The following JAZF1 variants were observed in gnomAD, a reference collection of about 807,000 sequenced individuals.
The protein encoded by JAZF1 is juxtaposed with another zinc finger protein 1.
Under a neutral mutation model 26.4 loss-of-function variants are expected in JAZF1, and 8 were observed. The observed-to-expected ratio is 0.30, with a 90% CI of 0.18 to 0.55. The LOEUF is 0.55. Ranked by LOEUF, JAZF1 falls within the 20% of genes least tolerant of loss-of-function variation. JAZF1 has a pLI of 0.94. For synonymous variants in JAZF1, 126 were observed against 122.3 expected (o/e 1.03, Z -0.20); for missense variants, 199 against 322.0 (o/e 0.62, Z 2.92).
intron 3 of JAZF1, among the ~76,000 whole-genome samples, chr7:27,889,688 T>A (rs1411971514): frequency 1.3e-5 from 2 of 152,152 alleles, no homozygotes; most frequent in Non-Finnish European, 2.9e-5. Flanking sequence ...TCCCAGCACC[T>A]TGGGAGGCTG....
chr7:28,019,499 G>A (rs1347057214), intron 1 of JAZF1, among the ~76,000 whole-genome samples: 3 of 151,998 alleles, frequency 2.0e-5, no homozygotes, highest in Non-Finnish European at 4.4e-5. Context: ...GCTCATAGAT[G>A]GGACAGAACT....
chr7:27,925,333 A>G (rs775984985), intron 2 of JAZF1, among the ~76,000 whole-genome samples: 1 of 152,254 alleles, frequency 6.6e-6, no homozygotes, highest in African/African-American at 2.4e-5. Flanking sequence ...CCAAAAAAGC[A>G]GCTGAAAACA....
At chr7:27,992,417 G>A (rs569983035) in intron 1 of JAZF1, among the ~76,000 whole-genome samples, 4 of 152,088 alleles carry the variant, frequency 2.6e-5, no homozygotes, top group African/African-American at 9.7e-5. Flanking sequence ...TCTTGTTCAC[G>A]GAACACTTTT....
intron 3 of JAZF1, among the ~76,000 whole-genome samples, chr7:27,870,075 A>ATTTTTTTTTTTTTTTTT (rs371770357): frequency 5.0e-5 from 6 of 120,664 alleles, no homozygotes; most frequent in Non-Finnish European, 5.0e-5. Flanking sequence ...CACCCGGTTA[A>ATTTTTTTTTTTTTTTTT]TTTTTTTTTT....
intron 3 of JAZF1, among the ~76,000 whole-genome samples, chr7:27,873,232 G>C (rs1444898818): frequency 6.6e-6 from 1 of 152,140 alleles, no homozygotes; most frequent in Non-Finnish European, 1.5e-5. Context: ...CCTCCTAACT[G>C]ATATGCCAGG....
At chr7:27,926,794 C>T (rs1304291904) in intron 2 of JAZF1, among the ~76,000 whole-genome samples, 1 of 152,198 alleles carries the variant, frequency 6.6e-6, no homozygotes, top group Admixed American at 6.5e-5. Flanking sequence ...TGGGGCTCTT[C>T]CCAGTTCCTT....
intron 1 of JAZF1, among the ~76,000 whole-genome samples, chr7:28,018,372 A>G (rs1782937885): frequency 6.6e-6 from 1 of 152,174 alleles, no homozygotes; most frequent in African/African-American, 2.4e-5. Context: ...GTTTCATTCT[A>G]GTGCAATGGA....
intron 1 of JAZF1, among the ~76,000 whole-genome samples, chr7:28,034,910 A>C (rs1377407982): frequency 6.6e-6 from 1 of 152,174 alleles, no homozygotes; most frequent in African/African-American, 2.4e-5. Context: ...ATTTTTTACT[A>C]TCCTGTATAT....
intron 3 of JAZF1, among the ~76,000 whole-genome samples, chr7:27,874,372 A>G (rs1783637163): frequency 6.6e-6 from 1 of 152,160 alleles, no homozygotes; most frequent in South Asian, 2.1e-4. Flanking sequence ...GGTTCAGCAC[A>G]CCTCTGCCCT....
chr7:28,111,879 C>T (rs1290437302), intron 1 of JAZF1, among the ~76,000 whole-genome samples: 2 of 152,166 alleles, frequency 1.3e-5, no homozygotes, highest in Non-Finnish European at 2.9e-5. Context: ...CCAGGTACAA[C>T]CATATTTCTG....
rs774648744 is a variant in JAZF1, at chr7:27,838,009, T to C, written c.555+2689A>G. Among the ~76,000 whole-genome samples, 292 of 72,202 alleles carry C rather than the reference T, an allele frequency of 4.0e-3. 2 individuals carry two copies. Among genetic ancestry groups the C allele is most frequent in the Non-Finnish European group, 6.6e-3 (201 of 30,466 alleles). 47.4% of individuals were successfully genotyped at this position (72,202 alleles called of 152,430 possible). A position where few individuals can be genotyped will look rare whatever the true frequency, so the allele number is the denominator to read the frequency against. On this transcript the variant is annotated intron_variant, in intron 4 of 4. Coordinates refer to ENST00000283928, the MANE Select transcript of JAZF1 (RefSeq NM_175061.4). The stretch of plus-strand genomic sequence containing the variant: ...ATACACTAACAGGACTTTGTCTGCC[T>C]TTTTTTTTTTTTTCTTTTTTCCTTC...
Position 27,861,429 on chromosome 7 carries a change from C to T in JAZF1, c.386-20562G>A, listed in dbSNP as rs6954143. Among the ~76,000 whole-genome samples, 408 of 151,974 alleles carry T rather than the reference C, an allele frequency of 2.7e-3. 2 individuals carry two copies. The highest frequency in any genetic ancestry group is 9.3e-3 in the African/African-American group (385 of 41,478). On this transcript the variant is annotated intron_variant, in intron 3 of 4. Transcript: ENST00000283928. The stretch of plus-strand genomic sequence containing the variant: ...CTTATCACTTCTGTTTTCTAAATCT[C>T]TGATTTTTTTTTTCCTTTTTACTTT...
At chr7:28,120,498 G>GTTTTTTTTTTTTTTTTTTT (rs1345204155) in intron 1 of JAZF1, among the ~76,000 whole-genome samples, 2 of 41,072 alleles carry the variant, frequency 4.9e-5, no homozygotes, top group Non-Finnish European at 1.1e-4. Flanking sequence ...GCCACACACA[G>GTTTTTTTTTTTTTTTTTTT]TTCTTTTTTT....
chr7:27,892,530 A>G (rs1319251265), intron 3 of JAZF1, among the ~76,000 whole-genome samples: 1 of 152,240 alleles, frequency 6.6e-6, no homozygotes, highest in Non-Finnish European at 1.5e-5. Context: ...GACATGAGTC[A>G]GTCCATATTA....
At position 28,025,975 on chromosome 7, in the gene JAZF1, C is replaced by T. The variant is rs544035872; in HGVS notation, c.116-33994G>A. 7.9e-5 allele frequency among the ~76,000 whole-genome samples: 12 copies of T among 152,234 alleles called. No individual in the cohort carries two copies. The South Asian group carries it at 2.5e-3, about 32-fold the overall frequency. On this transcript the variant is annotated intron_variant, in intron 1 of 4. Transcript: ENST00000283928. ...AGTAGAGGATCATATAATTCATTGT[C>T]CAAACTATTGGGACACAGTGAAAGG...
chr7:27,911,499 T>C (rs1422310715), intron 2 of JAZF1, among the ~76,000 whole-genome samples: 3 of 152,202 alleles, frequency 2.0e-5, no homozygotes, highest in Admixed American at 6.5e-5. Flanking sequence ...CCATTAGCCA[T>C]ATGAAGCTAT....
intron 3 of JAZF1, among the ~76,000 whole-genome samples, chr7:27,852,552 T>G (rs1783170608): frequency 6.6e-6 from 1 of 152,188 alleles, no homozygotes; most frequent in African/African-American, 2.4e-5. Flanking sequence ...TGCAACCCTC[T>G]CTCAGGTCCT....
intron 2 of JAZF1, chr7:27,913,545 G>A: frequency 3.7e-6 from 1 of 268,842 alleles, no homozygotes; most frequent in Non-Finnish European, 7.8e-6. Flanking sequence ...CAGCACAGCT[G>A]CAGGAGGAGT....
At chr7:27,907,149 C>T (rs1722322830) in intron 2 of JAZF1, among the ~76,000 whole-genome samples, 1 of 152,212 alleles carries the variant, frequency 6.6e-6, no homozygotes, top group Non-Finnish European at 1.5e-5. Flanking sequence ...AACTCTTAAT[C>T]TGAGTTAGTT....
Sources: allele counts gnomAD v4.1 joint callset (sites outside exome capture counted in the v4.1 genomes callset), GRCh38; gene constraint gnomAD v4.1.1; transcripts MANE v1.5; gene names NCBI Gene and HGNC (gene_info 2026-07-23, HGNC 2026-07-21).